Variants in OCA2 observed in about 807,000 individuals in gnomAD.
OCA2 encodes the protein OCA2 melanosomal transmembrane protein.
A neutral mutation model predicts 100.2 loss-of-function variants in OCA2; 77 were observed. That is an observed-to-expected ratio of 0.77 (90% confidence interval 0.64 to 0.93). The LOEUF (loss-of-function observed/expected upper bound fraction) is 0.93. Among genes scored for constraint, OCA2 ranks in the 40% least tolerant of loss-of-function variants. The pLI, the probability that OCA2 is intolerant of heterozygous loss-of-function variation, is 0.00. For synonymous variants in OCA2, 432 were observed against 439.2 expected (o/e 0.98, Z 0.21); for missense variants, 1,062 against 1,089.1 (o/e 0.98, Z 0.35).
intron 2 of OCA2, among the ~76,000 whole-genome samples, chr15:28,067,496 C>G: frequency 6.6e-6 from 1 of 152,114 alleles, no homozygotes; most frequent in East Asian, 1.9e-4. Context: ...AATCTTTCTT[C>G]CTAATGCTGT....
chr15:27,815,426 A>G (rs1299148653), intron 23 of OCA2, among the ~76,000 whole-genome samples: 1 of 152,198 alleles, frequency 6.6e-6, no homozygotes, highest in East Asian at 1.9e-4. Context: ...TTTACCCACC[A>G]AACTAGCAAT....
intron 5 of OCA2, among the ~76,000 whole-genome samples, chr15:28,024,581 C>A (rs1039126870): frequency 1.3e-5 from 2 of 152,206 alleles, no homozygotes; most frequent in Non-Finnish European, 2.9e-5. Flanking sequence ...CCACAGCCAG[C>A]TACCCGACCT....
intron 15 of OCA2, among the ~76,000 whole-genome samples, chr15:27,965,526 A>C (rs2140808020): frequency 6.6e-6 from 1 of 152,332 alleles, no homozygotes; most frequent in Non-Finnish European, 1.5e-5. Context: ...GACAGTCAGC[A>C]TCGGAGGAAC....
intron 23 of OCA2, among the ~76,000 whole-genome samples, chr15:27,797,986 G>T (rs777122055): frequency 6.6e-6 from 1 of 152,218 alleles, no homozygotes; most frequent in African/African-American, 2.4e-5. Context: ...GCAGCCTGGC[G>T]CCAGGACAGG....
At position 27,755,116 on chromosome 15, in the gene OCA2, A is replaced by T. The variant is rs1268328408; in HGVS notation, c.*272T>A. The T allele has an allele frequency of 7.0e-6, 3 of 427,522 alleles. No homozygotes were observed. The highest frequency in any genetic ancestry group is 2.1e-5 in the South Asian group (1 of 47,370). 26.5% of individuals were successfully genotyped at this position (427,522 alleles called of 1,614,324 possible). ...TATAGCAGGAAGGGTTTTTAAACAT[A>T]CGTATTTTTCTGGAGGGGAATCTTG... On this transcript the variant is annotated 3_prime_UTR_variant, in exon 24 of 24. Transcript: ENST00000354638.
At chr15:28,017,445 C>G (rs944838120) in intron 7 of OCA2, among the ~76,000 whole-genome samples, 14 of 152,164 alleles carry the variant, frequency 9.2e-5, no homozygotes, top group Non-Finnish European at 2.1e-4. Flanking sequence ...CCATGCAAGT[C>G]CCAGGTCAGA....
the OCA2 span, among the ~76,000 whole-genome samples, chr15:27,732,681 T>A: frequency 6.6e-6 from 1 of 151,986 alleles, no homozygotes; most frequent in Admixed American, 6.6e-5. Flanking sequence ...CCAGCAGACA[T>A]CTCCAAGGTG....
At chr15:27,840,233 A>G (rs1233362166) in intron 23 of OCA2, among the ~76,000 whole-genome samples, 1 of 152,172 alleles carries the variant, frequency 6.6e-6, no homozygotes, top group Non-Finnish European at 1.5e-5. Flanking sequence ...AAATGCAGCA[A>G]TGAACAAGGC....
At chr15:27,749,490 C>T in the OCA2 span, among the ~76,000 whole-genome samples, 2 of 151,938 alleles carry the variant, frequency 1.3e-5, no homozygotes, top group African/African-American at 4.8e-5. Context: ...GTTCTAGCCA[C>T]CAGAATAAGG....
intron 19 of OCA2, among the ~76,000 whole-genome samples, chr15:27,906,418 A>G (rs1263015616): frequency 1.3e-5 from 2 of 152,222 alleles, no homozygotes; most frequent in East Asian, 3.8e-4. Context: ...AAATAAAGAT[A>G]TCAAAGCAAG....
chr15:27,952,481 C>A (rs2040066641), intron 17 of OCA2, among the ~76,000 whole-genome samples: 1 of 152,128 alleles, frequency 6.6e-6, no homozygotes, highest in Non-Finnish European at 1.5e-5. Context: ...CCCTATGAGG[C>A]CCCAAGGGTA....
intron 23 of OCA2, among the ~76,000 whole-genome samples, chr15:27,789,207 C>G (rs1272136942): frequency 1.3e-5 from 1 of 76,604 alleles, no homozygotes; most frequent in Non-Finnish European, 2.5e-5. Flanking sequence ...CTTTTTTTTT[C>G]TGGGCGGGGG....
intron 23 of OCA2, among the ~76,000 whole-genome samples, chr15:27,814,233 C>T (rs2034190676): frequency 6.6e-6 from 1 of 150,922 alleles, no homozygotes; most frequent in African/African-American, 2.4e-5. Flanking sequence ...CAAGAAAAAA[C>T]ACAGAATTTT....
chr15:27,870,930 G>A (rs2036541929), intron 21 of OCA2, among the ~76,000 whole-genome samples: 1 of 152,140 alleles, frequency 6.6e-6, no homozygotes, highest in African/African-American at 2.4e-5. Flanking sequence ...GTCACCCCAG[G>A]ACGTGCTGTC....
At chr15:27,723,621 T>C in the OCA2 span, among the ~76,000 whole-genome samples, 1 of 152,040 alleles carries the variant, frequency 6.6e-6, no homozygotes, top group South Asian at 2.1e-4. Flanking sequence ...AAGAGGGGCG[T>C]AGCTGACTTC....
intron 1 of OCA2, among the ~76,000 whole-genome samples, chr15:28,088,080 G>GT (rs1184972087): frequency 6.6e-6 from 1 of 152,076 alleles, no homozygotes; most frequent in African/African-American, 2.4e-5. Flanking sequence ...AAAAAAAAAG[G>GT]TAAGTCCAAG....
At chr15:27,868,202 C>T (rs1054800153) in intron 21 of OCA2, among the ~76,000 whole-genome samples, 1 of 152,136 alleles carries the variant, frequency 6.6e-6, no homozygotes. Flanking sequence ...CCCTATAGAC[C>T]ATATCTTCTA....
intron 23 of OCA2, among the ~76,000 whole-genome samples, chr15:27,806,912 C>T (rs2033876896): frequency 6.6e-6 from 1 of 152,174 alleles, no homozygotes; most frequent in African/African-American, 2.4e-5. Context: ...CATTCTAGCC[C>T]GGGCTCCTGC....
At position 27,957,757 on chromosome 15, in the gene OCA2, G is replaced by A; in HGVS notation, c.1637-22C>T. ...AGTTCTGCAGAGAAAGGAAGGCGAA[G>A]CTTGGGTCTCCCATGACCTCAGATA... On this transcript the variant is annotated intron_variant, in intron 15 of 23. Transcript: ENST00000354638. The surrounding 1 kb of genome is among the most constrained non-coding windows in gnomAD (Gnocchi z 4.3). The A allele has an allele frequency of 3.7e-6, 6 of 1,612,974 alleles. No homozygotes were observed. Among genetic ancestry groups the A allele is most frequent in the Non-Finnish European group, 5.1e-6 (6 of 1,179,980 alleles).
Sources: gnomAD v4.1 joint callset for allele counts (sites outside exome capture counted in the v4.1 genomes callset) on GRCh38, gnomAD v4.1.1 for gene constraint, Gnocchi (gnomAD v3.1) non-coding constraint, MANE v1.5 for transcripts, NCBI Gene and HGNC (gene_info 2026-07-23, HGNC 2026-07-21) for gene names.